Variants in LRRTM4 observed in about 807,000 individuals in gnomAD.
LRRTM4 encodes the protein leucine rich repeat transmembrane neuronal 4.
A neutral mutation model predicts 47.6 loss-of-function variants in LRRTM4; 25 were observed. The observed-to-expected ratio is 0.53, with a 90% confidence interval of 0.38 to 0.73. The LOEUF is 0.73. Among genes scored for constraint, LRRTM4 ranks in the 30% least tolerant of loss-of-function variants. LRRTM4 has a pLI of 0.00. For missense variants in LRRTM4, 638 were observed against 713.4 expected, an observed-to-expected ratio of 0.89 and a Z score of 1.20; for synonymous variants, 311 against 269.5, an observed-to-expected ratio of 1.15 and a Z score of -1.51.
intron 3 of LRRTM4, chr2:77,517,014 T>C (rs1442775469): frequency 1.0e-6 from 1 of 984,802 alleles, no homozygotes; most frequent in Non-Finnish European, 1.2e-6. Context: ...AGAGTGATCA[T>C]CTAAAATCAG....
At chr2:76,993,313 A>G (rs1677079470) in intron 3 of LRRTM4, among the ~76,000 whole-genome samples, 1 of 151,612 alleles carries the variant, frequency 6.6e-6, no homozygotes, top group Non-Finnish European at 1.5e-5. Context: ...AAAAAAAGCT[A>G]TCAGTAAACA....
chr2:77,440,830 C>A (rs1204204146), intron 3 of LRRTM4, among the ~76,000 whole-genome samples: 1 of 152,176 alleles, frequency 6.6e-6, no homozygotes, highest in Non-Finnish European at 1.5e-5. Flanking sequence ...GATATATTTA[C>A]TTCTCCAGCC....
intron 3 of LRRTM4, among the ~76,000 whole-genome samples, chr2:77,097,264 T>C (rs182776974): frequency 7.9e-5 from 12 of 152,088 alleles, no homozygotes; most frequent in Admixed American, 3.9e-4. Flanking sequence ...AGACAAAAGC[T>C]ACTGACCCAT....
chr2:77,162,130 T>C (rs1011104157), intron 3 of LRRTM4, among the ~76,000 whole-genome samples: 3 of 152,180 alleles, frequency 2.0e-5, no homozygotes, highest in Admixed American at 6.5e-5. Flanking sequence ...CCTAATACTG[T>C]GCTTTTCCAA....
chr2:76,773,216 C>T (rs1673790925), intron 3 of LRRTM4, among the ~76,000 whole-genome samples: 1 of 152,222 alleles, frequency 6.6e-6, no homozygotes, highest in South Asian at 2.1e-4. Flanking sequence ...AGCCTAATTT[C>T]CATAAGCCCC....
At chr2:77,435,143 C>T (rs982131574) in intron 3 of LRRTM4, among the ~76,000 whole-genome samples, 2 of 151,820 alleles carry the variant, frequency 1.3e-5, no homozygotes, top group Non-Finnish European at 2.9e-5. Context: ...CTATTCATTG[C>T]AAAATTTTCT....
At chr2:77,361,218 A>G (rs773714604) in intron 3 of LRRTM4, among the ~76,000 whole-genome samples, 6 of 147,842 alleles carry the variant, frequency 4.1e-5, no homozygotes, top group Non-Finnish European at 7.4e-5. Flanking sequence ...TTAGCACATG[A>G]TCTCTCCTCC....
chr2:76,815,529 G>C (rs988129391), intron 3 of LRRTM4, among the ~76,000 whole-genome samples: 1 of 152,054 alleles, frequency 6.6e-6, no homozygotes, highest in Admixed American at 6.6e-5. Context: ...GCTTAAGGCA[G>C]GATCTGACAA....
rs186964230 is a variant in LRRTM4, at chr2:77,482,787, T to G, written c.1551+35531A>C. ...AGTATTAACTGAAAAACAGTAAAAC[T>G]TATTTGTCCCTCTACAAATATCTTT... On this transcript the variant is annotated intron_variant, in intron 3 of 3. Transcript: ENST00000409884. Among the ~76,000 whole-genome samples, 5 of 152,302 alleles carry G rather than the reference T, an allele frequency of 3.3e-5. No individual in the cohort carries two copies. The East Asian group carries it at 5.8e-4, about 18-fold the overall frequency.
At chr2:76,908,337 A>ATG (rs1673924748) in intron 3 of LRRTM4, among the ~76,000 whole-genome samples, 1 of 151,884 alleles carries the variant, frequency 6.6e-6, no homozygotes. Context: ...TTGATGGGCC[A>ATG]TATCTCAAAA....
At chr2:76,833,734 C>T (rs1211591480) in intron 3 of LRRTM4, among the ~76,000 whole-genome samples, 1 of 151,648 alleles carries the variant, frequency 6.6e-6, no homozygotes, top group Non-Finnish European at 1.5e-5. Context: ...TCTACATGCT[C>T]AATGTAAAAC....
chr2:77,090,484 TTTAA>T (rs1253831197), intron 3 of LRRTM4, among the ~76,000 whole-genome samples: 1 of 152,060 alleles, frequency 6.6e-6, no homozygotes, highest in African/African-American at 2.4e-5. Flanking sequence ...CACAACAGGA[TTTAA>T]TTAACCTCGC....
intron 3 of LRRTM4, among the ~76,000 whole-genome samples, chr2:77,322,395 G>A (rs978215171): frequency 6.6e-6 from 1 of 152,002 alleles, no homozygotes; most frequent in Non-Finnish European, 1.5e-5. Context: ...ACCACTTTGA[G>A]GATAAACTCT....
At chr2:77,435,656 G>A (rs940379181) in intron 3 of LRRTM4, among the ~76,000 whole-genome samples, 1 of 152,084 alleles carries the variant, frequency 6.6e-6, no homozygotes, top group African/African-American at 2.4e-5. Flanking sequence ...TGGAAATAAA[G>A]AGTGAATATA....
chr2:76,976,846 C>T (rs1167864796), intron 3 of LRRTM4, among the ~76,000 whole-genome samples: 1 of 151,734 alleles, frequency 6.6e-6, no homozygotes, highest in Admixed American at 6.6e-5. Context: ...ATTTTGAATG[C>T]TCATAACACA....
intron 3 of LRRTM4, among the ~76,000 whole-genome samples, chr2:76,795,427 A>G (rs1396773405): frequency 1.6e-5 from 2 of 128,138 alleles, no homozygotes; most frequent in Non-Finnish European, 1.8e-5. Flanking sequence ...TTTTACTGTC[A>G]TTATTTCCTA....
chr2:77,511,287 C>A (rs1678977084), intron 3 of LRRTM4, among the ~76,000 whole-genome samples: 1 of 151,952 alleles, frequency 6.6e-6, no homozygotes, highest in East Asian at 1.9e-4. Flanking sequence ...CAATTATCAG[C>A]CTGTATTCAA....
intron 3 of LRRTM4, among the ~76,000 whole-genome samples, chr2:76,902,397 A>G (rs1341761854): frequency 2.6e-5 from 4 of 152,190 alleles, no homozygotes; most frequent in African/African-American, 9.7e-5. Flanking sequence ...GAAACATTAT[A>G]ACATATTTTC....
At chr2:76,761,052 G>C (rs1384369302) in intron 3 of LRRTM4, among the ~76,000 whole-genome samples, 1 of 152,332 alleles carries the variant, frequency 6.6e-6, no homozygotes, top group Non-Finnish European at 1.5e-5. Flanking sequence ...TGTTTAGAAA[G>C]CATCCCTGGT....
Sources: allele counts gnomAD v4.1 joint callset (sites outside exome capture counted in the v4.1 genomes callset), GRCh38; gene constraint gnomAD v4.1.1; transcripts MANE v1.5; gene names NCBI Gene and HGNC (gene_info 2026-07-23, HGNC 2026-07-21).